The following C3orf20 variants were observed in gnomAD, a reference collection of about 807,000 sequenced individuals.
C3orf20 encodes family with sequence similarity 149 member C, also known as uncharacterized protein C3orf20.
Under a neutral mutation model 88.3 loss-of-function variants are expected in C3orf20, and 76 were observed. The observed-to-expected ratio is 0.86, with a 90% CI of 0.72 to 1.04. The LOEUF (loss-of-function observed/expected upper bound fraction) is 1.04, where lower values mean the gene tolerates loss of function less well. Ranked by LOEUF, C3orf20 falls within the 50% of genes least tolerant of loss-of-function variation. The probability of loss-of-function intolerance (pLI) is 0.00; values close to 1 mark genes in which losing one functional copy is unlikely to be tolerated. For missense variants in C3orf20, 1,056 were observed against 1,123.3 expected, an observed-to-expected ratio of 0.94 and a Z score of 0.86; for synonymous variants, 436 against 437.4, an observed-to-expected ratio of 1.00 and a Z score of 0.04.
chr3:14,705,925 C>T (rs560194282), intron 7 of C3orf20, among the ~76,000 whole-genome samples: 1 of 152,248 alleles, frequency 6.6e-6, no homozygotes, highest in East Asian at 1.9e-4. Context: ...ATTTAGGGTC[C>T]TTTGTTGGGT....
intron 7 of C3orf20, among the ~76,000 whole-genome samples, chr3:14,712,604 A>G (rs1384970897): frequency 6.6e-6 from 1 of 152,236 alleles, no homozygotes; most frequent in Admixed American, 6.5e-5. Flanking sequence ...TTATAGATAC[A>G]TTGTGTGCCC....
intron 4 of C3orf20, 100 bp from the exon 5 acceptor site, chr3:14,689,897 A>AC: frequency 1.3e-6 from 2 of 1,509,592 alleles, no homozygotes; most frequent in Middle Eastern, 1.7e-4. Context: ...ACAGTATGTG[A>AC]CCCACCGTAC....
At chr3:14,711,024 G>A (rs1559412844) in intron 7 of C3orf20, among the ~76,000 whole-genome samples, 2 of 152,006 alleles carry the variant, frequency 1.3e-5, no homozygotes, top group Admixed American at 6.6e-5. Context: ...CTCCTGAGTA[G>A]CTGGGATTAC....
At chr3:14,678,654 C>T (rs1205422440) in intron 1 of C3orf20, among the ~76,000 whole-genome samples, 2 of 152,212 alleles carry the variant, frequency 1.3e-5, no homozygotes, top group African/African-American at 4.8e-5. Flanking sequence ...GTGGGAATTG[C>T]ATCTTGAAGC....
At chr3:14,734,002 A>G (rs1374738752) in intron 12 of C3orf20, among the ~76,000 whole-genome samples, 1 of 152,190 alleles carries the variant, frequency 6.6e-6, no homozygotes, top group African/African-American at 2.4e-5. Flanking sequence ...TGAAGTTTTT[A>G]AAAAGATCCT....
At position 14,721,228 on chromosome 3, in the gene C3orf20, C is replaced by T. The variant is rs140770936; in HGVS notation, c.1435-425C>T. 5.9e-5 allele frequency among the ~76,000 whole-genome samples: 9 copies of T among 152,332 alleles called. No homozygotes were observed. In the East Asian group the frequency reaches 1.7e-3, roughly 29 times the overall value. ...TTTCCGGCGCTTCCTGCCAAGTGGT[C>T]ACCTTCCTACCACTGTAGGACAAGA... On this transcript the variant is annotated intron_variant, in intron 9 of 16. Transcript: ENST00000253697.
intron 12 of C3orf20, among the ~76,000 whole-genome samples, chr3:14,741,101 C>G (rs1197862025): frequency 6.6e-6 from 1 of 152,152 alleles, no homozygotes; most frequent in Non-Finnish European, 1.5e-5. Context: ...CTGGAGAGGA[C>G]TTATCTTTCC....
chr3:14,772,701 G>T lies in C3orf20; in HGVS notation c.2631-90G>T. ...CAGCCTCACCTGTGCAAGGGAGAGG[G>T]CCTTGCCCCTCCTGGCCCAACCGGG... On this transcript the variant is annotated intron_variant, in intron 16 of 16. Coordinates refer to ENST00000253697, the MANE Select transcript of C3orf20 (RefSeq NM_032137.5). This position sits in a 1 kb window ranked among gnomAD's most constrained non-coding sequence, Gnocchi z 4.2. 1 of 1,015,566 alleles carries T rather than the reference G, an allele frequency of 9.8e-7. No individual in the cohort carries two copies. The highest frequency in any genetic ancestry group is 1.9e-5 in the Admixed American group (1 of 53,698). The allele number at this position is 1,015,566 out of a possible 1,614,324, so 62.9% of individuals were successfully genotyped here.
intron 12 of C3orf20, among the ~76,000 whole-genome samples, chr3:14,756,785 A>G (rs1158618960): frequency 6.6e-6 from 1 of 152,256 alleles, no homozygotes; most frequent in Non-Finnish European, 1.5e-5. Flanking sequence ...AGATTCTTGC[A>G]GCCTTGAAGC....
At chr3:14,770,339 C>T (rs1366377642) in intron 15 of C3orf20, among the ~76,000 whole-genome samples, 3 of 152,090 alleles carry the variant, frequency 2.0e-5, no homozygotes, top group African/African-American at 7.3e-5. Flanking sequence ...ATTCTGAGGC[C>T]CGGTCTCGGC....
intron 12 of C3orf20, among the ~76,000 whole-genome samples, chr3:14,744,907 G>A (rs1019940399): frequency 1.3e-5 from 2 of 152,218 alleles, no homozygotes; most frequent in Non-Finnish European, 1.5e-5. Context: ...TGGGGACACA[G>A]CCAAACCATA....
intron 15 of C3orf20, among the ~76,000 whole-genome samples, chr3:14,766,242 G>A (rs1158219090): frequency 4.6e-5 from 7 of 152,206 alleles, no homozygotes; most frequent in Admixed American, 3.9e-4. Flanking sequence ...CCTGTGCGGG[G>A]CGCTGGGTCA....
At chr3:14,739,078 A>T (rs531002118) in intron 12 of C3orf20, among the ~76,000 whole-genome samples, 10 of 149,542 alleles carry the variant, frequency 6.7e-5, no homozygotes, top group Non-Finnish European at 8.8e-5. Flanking sequence ...GGCATGAGCC[A>T]CTGTGCCTGG....
intron 10 of C3orf20, among the ~76,000 whole-genome samples, chr3:14,724,730 A>C (rs1167656425): frequency 6.6e-6 from 1 of 152,230 alleles, no homozygotes; most frequent in Non-Finnish European, 1.5e-5. Flanking sequence ...AATTAGAATT[A>C]ATTTTCCCTT....
intron 5 of C3orf20, among the ~76,000 whole-genome samples, chr3:14,691,064 G>A (rs1412050522): frequency 1.3e-5 from 2 of 152,210 alleles, no homozygotes; most frequent in African/African-American, 2.4e-5. Context: ...TACTCTTTCC[G>A]TTATTGAACA....
chr3:14,739,076 C>T (rs893858401), intron 12 of C3orf20, among the ~76,000 whole-genome samples: 2 of 152,122 alleles, frequency 1.3e-5, no homozygotes, highest in African/African-American at 4.8e-5. Flanking sequence ...CAGGCATGAG[C>T]CACTGTGCCT....
At position 14,728,542 on chromosome 3, in the gene C3orf20, A is replaced by T. The variant is rs779128363; in HGVS notation, c.1794A>T (p.Leu598Phe). The change falls in exon 12 of 17, where the codon TTA becomes TTT. Residue 598 changes from leucine to phenylalanine, a missense_variant. Physicochemically the swap from Leu to Phe is conservative, Grantham distance 22. Transcript: ENST00000253697. ...CCGAGCGGCTCCCCAAGCTAAGTTTATACTCAGGAGAAAGTCTTTTACGAT... is the reference window on the plus strand; with the variant it reads ...CCGAGCGGCTCCCCAAGCTAAGTTTTTACTCAGGAGAAAGTCTTTTACGAT... Reference protein sequence around the residue: ...THPERLPKLSLYSGESLLRSQ... With the variant: ...THPERLPKLSFYSGESLLRSQ... The T allele has an allele frequency of 2.5e-6, 4 of 1,614,234 alleles. No homozygotes were observed. The African/African-American group carries it at 5.3e-5, about 22-fold the overall frequency.
Position 14,692,964 on chromosome 3 carries a change from T to C in C3orf20, c.745+2848T>C, listed in dbSNP as rs575519122. Among the ~76,000 whole-genome samples, 28 of 152,360 alleles carry C rather than the reference T, an allele frequency of 1.8e-4. No individual in the cohort carries two copies. In the South Asian group the frequency reaches 5.8e-3, roughly 32 times the overall value. On this transcript the variant is annotated intron_variant, in intron 5 of 16. Coordinates refer to ENST00000253697, the MANE Select transcript of C3orf20 (RefSeq NM_032137.5). ...TGGTTATCCAGTTTTCCCAGCACCA[T>C]TTATTGAAAAGATTGTTCTTTCCCC...
At chr3:14,703,283 G>C in intron 6 of C3orf20, 21 bp downstream of exon 6, 2 of 1,613,578 alleles carry the variant, frequency 1.2e-6, no homozygotes, top group African/African-American at 2.7e-5. Flanking sequence ...CAGTGCTTGG[G>C]TCGGGGGAGT....
Sources: gnomAD v4.1 joint callset for allele counts (sites outside exome capture counted in the v4.1 genomes callset) on GRCh38, gnomAD v4.1.1 for gene constraint, Gnocchi (gnomAD v3.1) non-coding constraint, MANE v1.5 for transcripts, NCBI Gene and HGNC (gene_info 2026-07-23, HGNC 2026-07-21) for gene names.